The following PTOV1 variants were observed in gnomAD, a reference collection of about 807,000 sequenced individuals.
PTOV1 encodes the protein prostate tumor-overexpressed gene 1 protein.
A neutral mutation model predicts 58.0 loss-of-function variants in PTOV1; 20 were observed. The ratio of observed to expected loss-of-function variants is 0.34; its 90% CI spans 0.24 to 0.50. The LOEUF is 0.50. Among genes scored for constraint, PTOV1 ranks in the 20% least tolerant of loss-of-function variants. The pLI is 0.98. For synonymous variants in PTOV1, 335 were observed against 234.2 expected (o/e 1.43, Z -3.93); for missense variants, 593 against 565.4 (o/e 1.05, Z -0.50).
At chr19:49,851,395 C>T in exon 1 of PTOV1, 2 of 1,182,416 alleles carry the variant, frequency 1.7e-6, no homozygotes, top group Non-Finnish European at 1.0e-6. Context: ...TCGCGGCCGC[C>T]CTCCGCGGCC....
At chr19:49,857,555 G>C (rs968833931) in intron 6 of PTOV1, 138 bp from the exon 7 acceptor site, 3 of 797,700 alleles carry the variant, frequency 3.8e-6, no homozygotes, top group Non-Finnish European at 6.2e-6. Context: ...GGCAGGGCCT[G>C]TTCCCCTGGG....
exon 10 of PTOV1, chr19:49,858,582 C>T (rs1432603023): frequency 1.2e-6 from 2 of 1,605,882 alleles, no homozygotes; most frequent in Non-Finnish European, 1.7e-6. Context: ...GAACTCGCGC[C>T]TGGTCCAGTT....
intron 5 of PTOV1, 151 bp from the exon 6 acceptor site, chr19:49,856,821 CAGA>C (rs764289913): frequency 2.2e-5 from 20 of 896,972 alleles, no homozygotes; most frequent in Non-Finnish European, 3.3e-5. Flanking sequence ...CACGGGCTCT[CAGA>C]GGCCCCTCAC....
intron 1 of PTOV1, among the ~76,000 whole-genome samples, chr19:49,854,149 G>C (rs779658004): frequency 2.6e-5 from 4 of 151,962 alleles, no homozygotes; most frequent in Non-Finnish European, 5.9e-5. Flanking sequence ...GAAGGCTTCA[G>C]GACTCTGCTG....
exon 12 of PTOV1, chr19:49,860,380 GT>G: frequency 2.6e-6 from 3 of 1,170,818 alleles, no homozygotes; most frequent in Non-Finnish European, 3.6e-6. Context: ...CCTGGGGCAT[GT>G]GGGGGGGGTG....
intron 1 of PTOV1, 175 bp downstream of exon 1, chr19:49,851,674 C>T (rs2074253743): frequency 8.8e-7 from 1 of 1,142,796 alleles, no homozygotes; most frequent in East Asian, 3.9e-5. Context: ...TCGCGCCGCG[C>T]TCTCCCCTTT....
intron 9 of PTOV1, 178 bp from the exon 10 acceptor site, chr19:49,858,371 G>C: frequency 1.5e-6 from 1 of 683,968 alleles, no homozygotes; most frequent in Non-Finnish European, 2.5e-6. Flanking sequence ...AGGGATCTGA[G>C]AGCGGCTTCC....
upstream of PTOV1, chr19:49,850,721 G>C (rs2074208612): frequency 3.6e-6 from 3 of 832,166 alleles, no homozygotes; most frequent in African/African-American, 1.8e-5. Context: ...CCACGTCACC[G>C]ACTGCAAACC....
chr19:49,856,993 C>T, exon 6 of PTOV1: 1 of 1,613,332 alleles, frequency 6.2e-7, no homozygotes, highest in Non-Finnish European at 8.5e-7. Flanking sequence ...CATGCTGTTC[C>T]CCCACATCTC....
At chr19:49,855,278 G>T (rs1419211641) in intron 5 of PTOV1, 5 of 593,524 alleles carry the variant, frequency 8.4e-6, no homozygotes, top group South Asian at 2.0e-5. Flanking sequence ...AGCCTGAGAG[G>T]CCTCCAGTTT....
upstream of PTOV1, chr19:49,850,776 TC>T: frequency 7.2e-7 from 1 of 1,388,892 alleles, no homozygotes; most frequent in South Asian, 1.3e-5. Flanking sequence ...CTCAGTGGGT[TC>T]CCTTTCAGTG....
At position 49,855,134 on chromosome 19, in the gene PTOV1, G is replaced by C. The variant is rs1044467532; in HGVS notation, c.558+57G>C. The C allele has an allele frequency of 8.1e-6, 12 of 1,482,704 alleles. No homozygotes were observed. The African/African-American group carries it at 1.7e-4, about 21-fold the overall frequency. 91.8% of individuals were successfully genotyped at this position (1,482,704 alleles called of 1,614,324 possible). Reference sequence around the variant, plus strand: ...GGTGACAAGTACAGCTGGAGGCAGCGCTCTGCTCACACAGTCCAGGCGGGG... The same window carrying C: ...GGTGACAAGTACAGCTGGAGGCAGCCCTCTGCTCACACAGTCCAGGCGGGG... On this transcript the variant is annotated intron_variant, in intron 5 of 11. Transcript: ENST00000391842.
intron 10 of PTOV1, 53 bp downstream of exon 10, chr19:49,858,706 C>A: frequency 6.9e-7 from 1 of 1,440,454 alleles, no homozygotes. Context: ...AGAGCGAGCC[C>A]GGACCGCTCA....
In PTOV1 at chr19:49,855,381, G is replaced by A. The variant is rs561637883; in HGVS notation, c.558+304G>A. The A allele has an allele frequency of 8.2e-5, 36 of 438,988 alleles. 1 individual carries two copies. The East Asian group carries it at 1.6e-3, about 19-fold the overall frequency. The allele number at this position is 438,988 out of a possible 1,614,324, so 27.2% of individuals were successfully genotyped here. On this transcript the variant is annotated intron_variant, in intron 5 of 11. Transcript: ENST00000391842. ...TGTTGGGGCCCAGGAGCCTGTCGGG[G>A]ACACATAGCGTATGGCAGGGACCTG...
At chr19:49,855,381 G>T in intron 5 of PTOV1, 1 of 438,988 alleles carries the variant, frequency 2.3e-6, no homozygotes, top group Non-Finnish European at 4.2e-6. Context: ...GCCTGTCGGG[G>T]ACACATAGCG....
At chr19:49,854,343 G>A (rs1176754503) in intron 1 of PTOV1, 63 bp from the exon 2 acceptor site, 1 of 1,562,290 alleles carries the variant, frequency 6.4e-7, no homozygotes, top group South Asian at 1.2e-5. Context: ...GGGGTGTGTG[G>A]GGACTGCCTG....
chr19:49,853,786 GCTGT>G (rs1165475431), intron 1 of PTOV1, among the ~76,000 whole-genome samples: 1 of 152,068 alleles, frequency 6.6e-6, no homozygotes, highest in Non-Finnish European at 1.5e-5. Context: ...CCTTTTCCTC[GCTGT>G]CTTTCTCCTG....
chr19:49,860,119 G>A lies in PTOV1; in HGVS notation c.1175G>A (p.Arg392His), dbSNP rs201860050. 4.5e-5 allele frequency: 72 copies of A among 1,614,198 alleles called. No homozygotes were observed. Among genetic ancestry groups the A allele is most frequent in the Middle Eastern group, 3.3e-4 (2 of 6,062 alleles). ...GGCAACTTTGTCAACGGCATCCGGCGTGTCATTGCCAACCAGCAGCAGGTC... is the reference window on the plus strand; with the variant it reads ...GGCAACTTTGTCAACGGCATCCGGCATGTCATTGCCAACCAGCAGCAGGTC... The change falls in exon 11 of 12, where the codon CGT becomes CAT. Residue 392 changes from arginine to histidine, a missense_variant. Arg to His is a conservative substitution (Grantham distance 29). Transcript: ENST00000391842.
chr19:49,854,416 G>A (rs769431489), exon 2 of PTOV1: 6 of 1,610,260 alleles, frequency 3.7e-6, no homozygotes, highest in South Asian at 1.1e-5. Context: ...GAAGGTGCTC[G>A]GGTCTTCGGG....
Sources: gnomAD v4.1 joint callset for allele counts (sites outside exome capture counted in the v4.1 genomes callset) on GRCh38, gnomAD v4.1.1 for gene constraint, MANE v1.5 for transcripts, NCBI Gene and HGNC (gene_info 2026-07-23, HGNC 2026-07-21) for gene names.